EFNA5: variants seen among roughly 807,000 people sequenced by gnomAD.
EFNA5 encodes the protein ephrin A5, also known as ephrin-A5.
EFNA5 carries 5 observed loss-of-function variants against 22.9 expected under a neutral mutation model. That is an observed-to-expected ratio of 0.22 (90% CI 0.11 to 0.46). The LOEUF (loss-of-function observed/expected upper bound fraction) is 0.46. Ranked by LOEUF, EFNA5 falls within the 20% of genes least tolerant of loss-of-function variation. The probability of loss-of-function intolerance (pLI) is 0.99; values close to 1 mark genes in which losing one functional copy is unlikely to be tolerated. For missense variants in EFNA5, 237 were observed against 293.3 expected, an observed-to-expected ratio of 0.81 and a Z score of 1.40; for synonymous variants, 113 against 112.2, an observed-to-expected ratio of 1.01 and a Z score of -0.04.
chr5:107,548,990 T>C (rs982519269), intron 1 of EFNA5, among the ~76,000 whole-genome samples: 3 of 152,230 alleles, frequency 2.0e-5, no homozygotes, highest in Non-Finnish European at 4.4e-5. Flanking sequence ...ATACACATTT[T>C]TGCAATTACA....
At chr5:107,558,541 T>C (rs1055697696) in intron 1 of EFNA5, among the ~76,000 whole-genome samples, 1 of 152,238 alleles carries the variant, frequency 6.6e-6, no homozygotes, top group Non-Finnish European at 1.5e-5. Flanking sequence ...TTATACTTTC[T>C]CTGCTATTTT....
chr5:107,458,611 T>C (rs1459323451), intron 1 of EFNA5, among the ~76,000 whole-genome samples: 1 of 151,962 alleles, frequency 6.6e-6, no homozygotes, highest in Non-Finnish European at 1.5e-5. Flanking sequence ...AGTTATAAAC[T>C]AGTACATCAT....
intron 1 of EFNA5, among the ~76,000 whole-genome samples, chr5:107,539,443 G>A (rs1747997161): frequency 6.6e-6 from 1 of 152,132 alleles, no homozygotes; most frequent in South Asian, 2.1e-4. Context: ...GCAGGGGAAG[G>A]AGAATCACTG....
chr5:107,384,071 G>A (rs1416686260), intron 4 of EFNA5, among the ~76,000 whole-genome samples: 1 of 152,274 alleles, frequency 6.6e-6, no homozygotes, highest in East Asian at 1.9e-4. Flanking sequence ...AATGTTGGAA[G>A]ATTCTACAGC....
At chr5:107,564,361 AC>A (rs1435874619) in intron 1 of EFNA5, among the ~76,000 whole-genome samples, 2 of 152,130 alleles carry the variant, frequency 1.3e-5, no homozygotes, top group African/African-American at 4.8e-5. Flanking sequence ...ATCCTTCCTG[AC>A]CTTCCCGCCA....
In EFNA5 at chr5:107,420,036, T is replaced by C. The variant is rs115044740; in HGVS notation, c.418+7181A>G. 5.5e-3 allele frequency among the ~76,000 whole-genome samples: 835 copies of C among 152,234 alleles called. 11 individuals carry two copies. Among genetic ancestry groups the C allele is most frequent in the African/African-American group, 0.019 (794 of 41,550 alleles). On this transcript the variant is annotated intron_variant, in intron 2 of 4. Transcript: ENST00000333274. ...TCTTCTATTTCAATAAGAAAAACTA[T>C]GTAAAAAAGGTGATTGGTGTGAACT...
chr5:107,493,333 T>C (rs565429900), intron 1 of EFNA5, among the ~76,000 whole-genome samples: 1 of 152,214 alleles, frequency 6.6e-6, no homozygotes, highest in Admixed American at 6.5e-5. Context: ...CTAGAGTTGT[T>C]ATCTGAAGTG....
intron 1 of EFNA5, among the ~76,000 whole-genome samples, chr5:107,502,100 C>A (rs1050377324): frequency 1.3e-5 from 2 of 152,200 alleles, no homozygotes; most frequent in African/African-American, 4.8e-5. Flanking sequence ...ATGAGGACTG[C>A]CCCTCTTCAC....
chr5:107,517,354 A>G (rs1747502582), intron 1 of EFNA5, among the ~76,000 whole-genome samples: 1 of 152,180 alleles, frequency 6.6e-6, no homozygotes, highest in Admixed American at 6.6e-5. Context: ...AAGCACAGTG[A>G]TAAAAGTACT....
At chr5:107,407,692 T>C (rs1748260131) in intron 2 of EFNA5, among the ~76,000 whole-genome samples, 1 of 152,252 alleles carries the variant, frequency 6.6e-6, no homozygotes, top group African/African-American at 2.4e-5. Flanking sequence ...CTAAAATTTA[T>C]GAAACAGTTT....
chr5:107,499,716 T>C (rs546091406), intron 1 of EFNA5, among the ~76,000 whole-genome samples: 93 of 152,252 alleles, frequency 6.1e-4, no homozygotes, highest in South Asian at 1.0e-3. Flanking sequence ...GTTAGCAGGG[T>C]TGCTATTTTC....
intron 1 of EFNA5, among the ~76,000 whole-genome samples, chr5:107,529,658 G>C (rs1747769330): frequency 6.6e-6 from 1 of 152,304 alleles, no homozygotes; most frequent in Non-Finnish European, 1.5e-5. Context: ...GACCACTTTT[G>C]TTTTGTGCTG....
chr5:107,410,401 G>C (rs1748337137), intron 2 of EFNA5, among the ~76,000 whole-genome samples: 1 of 152,130 alleles, frequency 6.6e-6, no homozygotes, highest in African/African-American at 2.4e-5. Context: ...AAGTCTGGTT[G>C]CACTGACCAG....
At chr5:107,458,868 C>CT (rs1418554992) in intron 1 of EFNA5, among the ~76,000 whole-genome samples, 1 of 151,978 alleles carries the variant, frequency 6.6e-6, no homozygotes, top group African/African-American at 2.4e-5. Flanking sequence ...TAATTTTAGT[C>CT]TTTTTTTATT....
intron 1 of EFNA5, among the ~76,000 whole-genome samples, chr5:107,522,041 AC>A (rs1370870499): frequency 6.6e-6 from 1 of 152,138 alleles, no homozygotes; most frequent in Non-Finnish European, 1.5e-5. Flanking sequence ...ATCCTCATGC[AC>A]CTAACAATAT....
chr5:107,511,039 T>TGTGA (rs776941132), intron 1 of EFNA5, among the ~76,000 whole-genome samples: 1 of 150,566 alleles, frequency 6.6e-6, no homozygotes, highest in Non-Finnish European at 1.5e-5. Flanking sequence ...TGTGTGTGTG[T>TGTGA]GTGAGACGGA....
intron 1 of EFNA5, among the ~76,000 whole-genome samples, chr5:107,655,659 T>C (rs879395686): frequency 6.6e-6 from 1 of 152,132 alleles, no homozygotes. Context: ...TATGTAAGTA[T>C]ATGATGGAAA....
At chr5:107,567,568 CT>C (rs1748686077) in intron 1 of EFNA5, among the ~76,000 whole-genome samples, 1 of 152,208 alleles carries the variant, frequency 6.6e-6, no homozygotes, top group Admixed American at 6.5e-5. Flanking sequence ...CCACCCACCC[CT>C]GCCCCAGGTT....
chr5:107,452,061 C>T (rs575566469), intron 1 of EFNA5, among the ~76,000 whole-genome samples: 3 of 152,182 alleles, frequency 2.0e-5, no homozygotes, highest in South Asian at 2.1e-4. Flanking sequence ...GGAATGAGAT[C>T]GTGTCCTTGA....
Sources: gnomAD v4.1 joint callset for allele counts (sites outside exome capture counted in the v4.1 genomes callset) on GRCh38, gnomAD v4.1.1 for gene constraint, MANE v1.5 for transcripts, NCBI Gene and HGNC (gene_info 2026-07-23, HGNC 2026-07-21) for gene names.